TRIM5: variants seen among roughly 807,000 people sequenced by gnomAD.
TRIM5 encodes tripartite motif containing 5.
Under a neutral mutation model 35.6 loss-of-function variants are expected in TRIM5, and 31 were observed. The ratio of observed to expected loss-of-function variants is 0.87; its 90% CI spans 0.65 to 1.18. The LOEUF (loss-of-function observed/expected upper bound fraction) is 1.18, where lower values mean the gene tolerates loss of function less well. Ranked by LOEUF, TRIM5 falls within the 50% of genes most tolerant of loss-of-function variation. The pLI is 0.00. For missense variants in TRIM5, 609 were observed against 591.6 expected (o/e 1.03, Z -0.31); for synonymous variants, 243 against 215.6 (o/e 1.13, Z -1.11).
the TRIM5 span, among the ~76,000 whole-genome samples, chr11:5,623,226 C>G: frequency 6.6e-6 from 1 of 151,014 alleles, no homozygotes; most frequent in Admixed American, 6.6e-5. Context: ...TTTTTGGGTC[C>G]CGAGATTTTC....
At chr11:5,654,927 C>T in the TRIM5 span, among the ~76,000 whole-genome samples, 1 of 152,092 alleles carries the variant, frequency 6.6e-6, no homozygotes, top group Non-Finnish European at 1.5e-5. Context: ...ACGGTAGCTC[C>T]TGCCTGTAAT....
chr11:5,611,875 A>G, the TRIM5 span: 2 of 152,764 alleles, frequency 1.3e-5, no homozygotes, highest in African/African-American at 4.8e-5. Context: ...GCCATTAAGC[A>G]TAGTATTTGA....
chr11:5,610,977 A>C, the TRIM5 span: 2 of 1,614,152 alleles, frequency 1.2e-6, no homozygotes, highest in Non-Finnish European at 1.7e-6. Context: ...GACTGCCTGG[A>C]TCCTGGGGGT....
downstream of TRIM5, among the ~76,000 whole-genome samples, chr11:5,662,043 T>C (rs142802597): frequency 2.5e-3 from 385 of 152,230 alleles, 1 homozygote; most frequent in Middle Eastern, 0.01. Context: ...CTTCATAGCA[T>C]TGGGTGACAG....
chr11:5,654,829 A>T, the TRIM5 span, among the ~76,000 whole-genome samples: 2 of 152,170 alleles, frequency 1.3e-5, no homozygotes, highest in Non-Finnish European at 2.9e-5. Flanking sequence ...CTAAATGTTA[A>T]TAACACCACA....
At chr11:5,591,639 A>C in the TRIM5 span, among the ~76,000 whole-genome samples, 109 of 151,602 alleles carry the variant, frequency 7.2e-4, 1 homozygote, top group Admixed American at 6.5e-3. Context: ...AAAGGGCAAA[A>C]ACTCCGCCTC....
the TRIM5 span, among the ~76,000 whole-genome samples, chr11:5,644,867 G>C: frequency 6.6e-6 from 1 of 152,094 alleles, no homozygotes; most frequent in Non-Finnish European, 1.5e-5. Context: ...GATCATGGGG[G>C]CCTCATGGAG....
chr11:5,668,066 T>C (rs778380819), intron 4 of TRIM5, among the ~76,000 whole-genome samples: 3 of 152,032 alleles, frequency 2.0e-5, no homozygotes, highest in Non-Finnish European at 4.4e-5. Flanking sequence ...ATTAAACAGA[T>C]GTACAGCCTA....
chr11:5,658,294 C>T (rs886396919), downstream of TRIM5, among the ~76,000 whole-genome samples: 7 of 152,208 alleles, frequency 4.6e-5, no homozygotes, highest in African/African-American at 1.7e-4. Flanking sequence ...GACAGCCTGG[C>T]TGCTGGGTGG....
At chr11:5,590,730 A>C in the TRIM5 span, 1 of 152,238 alleles carries the variant, frequency 6.6e-6, no homozygotes, top group African/African-American at 2.4e-5. Flanking sequence ...GTCACCTTCC[A>C]CACTGTGGAA....
chr11:5,597,270 TTGAG>T, the TRIM5 span, among the ~76,000 whole-genome samples: 1 of 152,116 alleles, frequency 6.6e-6, no homozygotes, highest in South Asian at 2.1e-4. Flanking sequence ...TTGGTGAGGA[TTGAG>T]TGAGACAGAT....
intron 4 of TRIM5, 48 bp downstream of exon 4, chr11:5,678,156 C>T (rs767960441): frequency 2.2e-5 from 33 of 1,508,530 alleles, no homozygotes; most frequent in Non-Finnish European, 2.8e-5. Context: ...AGGAAATAGC[C>T]TTCACTTTTC....
At chr11:5,656,043 T>C in the TRIM5 span, among the ~76,000 whole-genome samples, 1 of 152,122 alleles carries the variant, frequency 6.6e-6, no homozygotes, top group Admixed American at 6.5e-5. Context: ...CCTAAAACCA[T>C]ACAAATCCTA....
chr11:5,608,248 G>T, the TRIM5 span: 2 of 1,418,434 alleles, frequency 1.4e-6, no homozygotes, highest in Non-Finnish European at 1.9e-6. Context: ...TCTCTACTTT[G>T]TGGCCTCCAC....
intron 4 of TRIM5, among the ~76,000 whole-genome samples, chr11:5,676,024 C>T (rs1436254753): frequency 7.3e-6 from 1 of 136,306 alleles, no homozygotes; most frequent in East Asian, 2.0e-4. Flanking sequence ...CTACAAAGGA[C>T]ATGAACTCAT....
chr11:5,678,018 T>C (rs1852126226), intron 4 of TRIM5, 186 bp downstream of exon 4: 1 of 537,962 alleles, frequency 1.9e-6, no homozygotes, highest in Non-Finnish European at 3.2e-6. Context: ...TCTGGATAAA[T>C]TAATAAAAAT....
chr11:5,683,526 C>T (rs868784814), intron 1 of TRIM5, among the ~76,000 whole-genome samples: 21 of 149,338 alleles, frequency 1.4e-4, no homozygotes, highest in Middle Eastern at 7.1e-3. Flanking sequence ...TTATGTCTAG[C>T]GAAGGGATTG....
chr11:5,624,228 C>T, the TRIM5 span, among the ~76,000 whole-genome samples: 1 of 152,168 alleles, frequency 6.6e-6, no homozygotes, highest in Admixed American at 6.5e-5. Flanking sequence ...GAAGACTTTT[C>T]ATTTTTAAAT....
At chr11:5,596,381 G>A in the TRIM5 span, among the ~76,000 whole-genome samples, 42,174 of 151,330 alleles carry the variant, frequency 0.28, 6,007 homozygotes, top group Middle Eastern at 0.39. Context: ...GCCGTGTAAA[G>A]AGAGTTAAAC....
Sources: gnomAD v4.1 joint callset for allele counts (sites outside exome capture counted in the v4.1 genomes callset) on GRCh38, gnomAD v4.1.1 for gene constraint, MANE v1.5 for transcripts, NCBI Gene and HGNC (gene_info 2026-07-23, HGNC 2026-07-21) for gene names.